The following KCNT2 variants were observed in gnomAD, a reference collection of about 807,000 sequenced individuals.
KCNT2 encodes potassium sodium-activated channel subfamily T member 2.
KCNT2 carries 67 observed loss-of-function variants against 153.8 expected under a neutral mutation model. The ratio of observed to expected loss-of-function variants is 0.44; its 90% CI spans 0.36 to 0.53. KCNT2 has a LOEUF of 0.53. KCNT2 is among the 20% of genes least tolerant of loss of function. The probability of loss-of-function intolerance (pLI) is 0.00; values close to 1 mark genes in which losing one functional copy is unlikely to be tolerated. For synonymous variants in KCNT2, 500 were observed against 458.8 expected (o/e 1.09, Z -1.15); for missense variants, 975 against 1,354.8 (o/e 0.72, Z 4.40).
chr1:196,434,470 C>T (rs1674441329), intron 8 of KCNT2, among the ~76,000 whole-genome samples: 1 of 151,806 alleles, frequency 6.6e-6, no homozygotes, highest in Non-Finnish European at 1.5e-5. Flanking sequence ...TTTGTTTGTC[C>T]TTTTAACATA....
intron 1 of KCNT2, among the ~76,000 whole-genome samples, chr1:196,502,725 C>CA (rs1477307828): frequency 6.6e-6 from 1 of 151,734 alleles, no homozygotes; most frequent in Non-Finnish European, 1.5e-5. Flanking sequence ...CTCTTTAACG[C>CA]AAAAAAGTAT....
chr1:196,580,700 A>G (rs1021277555), intron 1 of KCNT2, among the ~76,000 whole-genome samples: 10 of 152,154 alleles, frequency 6.6e-5, no homozygotes, highest in African/African-American at 2.4e-4. Flanking sequence ...ATGGGGAGTG[A>G]GATGTGTGTT....
At chr1:196,347,325 T>G (rs1018434656) in intron 14 of KCNT2, among the ~76,000 whole-genome samples, 3 of 152,192 alleles carry the variant, frequency 2.0e-5, no homozygotes, top group African/African-American at 7.2e-5. Context: ...CTGGGTAGAC[T>G]TAATTCAAGA....
chr1:196,380,228 T>C (rs926967941), intron 13 of KCNT2, among the ~76,000 whole-genome samples: 29 of 152,166 alleles, frequency 1.9e-4, no homozygotes, highest in African/African-American at 6.5e-4. Context: ...TTTAGAAGCA[T>C]ATGACTTTTA....
At chr1:196,586,338 C>T (rs1352192775) in intron 1 of KCNT2, among the ~76,000 whole-genome samples, 1 of 152,058 alleles carries the variant, frequency 6.6e-6, no homozygotes, top group African/African-American at 2.4e-5. Flanking sequence ...TTTCTTGCTG[C>T]TAAATTCCCC....
chr1:196,385,771 A>AT lies in KCNT2; in HGVS notation c.1295-12524_1295-12523insA, dbSNP rs1243314052. On this transcript the variant is annotated intron_variant, in intron 13 of 27. Transcript: ENST00000294725. ...GTATGGCACCATTTCTGCATTAAAA[A>AT]AATATATATATATATATATATTTTG... 9.5e-3 allele frequency among the ~76,000 whole-genome samples: 1,404 copies of AT among 147,440 alleles called. 19 individuals are homozygous for AT. Among genetic ancestry groups the AT allele is most frequent in the African/African-American group, 0.029 (1,188 of 40,366 alleles).
intron 22 of KCNT2, among the ~76,000 whole-genome samples, chr1:196,291,219 C>T (rs1024294373): frequency 3.3e-5 from 5 of 151,846 alleles, no homozygotes; most frequent in African/African-American, 1.2e-4. Context: ...CTTCAAAATA[C>T]GTATCATGCT....
At chr1:196,367,157 C>T (rs988419387) in intron 14 of KCNT2, among the ~76,000 whole-genome samples, 4 of 151,996 alleles carry the variant, frequency 2.6e-5, no homozygotes, top group Non-Finnish European at 5.9e-5. Context: ...CTTTATCATA[C>T]ATTTTATAAT....
chr1:196,301,559 G>A (rs536068209), intron 22 of KCNT2, among the ~76,000 whole-genome samples: 92 of 152,152 alleles, frequency 6.0e-4, no homozygotes, highest in Admixed American at 2.6e-3. Flanking sequence ...AGAATGCAAG[G>A]TCTACAAGGA....
rs747285562 is a variant in KCNT2 at position 196,228,256 on chromosome 1, C to A, written c.3376G>T (p.Gly1126Cys). ...SRRNSICNVT[G>C]QDSREETQL ...TGAGTTTCCTCCCGAGAATCTTGAC[C>A]AGTGACATTGCAGATGCTGTTTCTT... The change falls in exon 28 of 28, where the codon GGT becomes TGT. Residue 1126 changes from glycine to cysteine, a missense_variant. Transcript: ENST00000294725. 1 of 1,609,574 alleles carries A rather than the reference C, an allele frequency of 6.2e-7. No homozygotes were observed. The highest frequency in any genetic ancestry group is 2.2e-5 in the East Asian group (1 of 44,656).
At chr1:196,498,544 C>T (rs1680433798) in intron 1 of KCNT2, among the ~76,000 whole-genome samples, 4 of 152,194 alleles carry the variant, frequency 2.6e-5, no homozygotes, top group Admixed American at 1.3e-4. Context: ...TCTCAGCAGG[C>T]AGATTCAATG....
intron 1 of KCNT2, among the ~76,000 whole-genome samples, chr1:196,529,573 T>C (rs1307648609): frequency 1.3e-5 from 2 of 152,086 alleles, no homozygotes; most frequent in African/African-American, 4.8e-5. Context: ...AAATGGAGGC[T>C]TGTGTTTTTA....
At chr1:196,546,208 C>T (rs926388860) in intron 1 of KCNT2, among the ~76,000 whole-genome samples, 3 of 152,046 alleles carry the variant, frequency 2.0e-5, no homozygotes, top group Non-Finnish European at 2.9e-5. Flanking sequence ...AAATATTATT[C>T]TTCTATTCTG....
Position 196,429,525 on chromosome 1 carries a change from T to A in KCNT2, c.819+52A>T, listed in dbSNP as rs945557621. 6 of 1,209,622 alleles carry A rather than the reference T, an allele frequency of 5.0e-6. No individual in the cohort carries two copies. The Admixed American group carries it at 1.0e-4, about 21-fold the overall frequency. The allele number at this position is 1,209,622 out of a possible 1,614,324, so 74.9% of individuals were successfully genotyped here. ...CCATTTCTTATTAAATGTGGAGGAT[T>A]CAATTTCATGTCTCTGTACATTTCT... On this transcript the variant is annotated intron_variant, in intron 9 of 27. Transcript: ENST00000294725.
chr1:196,531,607 TATC>T (rs1654952376), intron 1 of KCNT2, among the ~76,000 whole-genome samples: 1 of 152,120 alleles, frequency 6.6e-6, no homozygotes, highest in African/African-American at 2.4e-5. Context: ...TAACCATTAT[TATC>T]ATACAAACAC....
At chr1:196,383,503 T>TA (rs1369929400) in intron 13 of KCNT2, among the ~76,000 whole-genome samples, 4 of 152,134 alleles carry the variant, frequency 2.6e-5, no homozygotes, top group African/African-American at 9.7e-5. Flanking sequence ...AACACTGCAT[T>TA]AGATGAGTTG....
intron 1 of KCNT2, among the ~76,000 whole-genome samples, chr1:196,518,261 G>A (rs920934474): frequency 1.3e-4 from 20 of 152,058 alleles, no homozygotes; most frequent in Non-Finnish European, 4.4e-5. Context: ...GACATCGAAA[G>A]AAGCACTAAA....
intron 5 of KCNT2, 94 bp from the exon 6 acceptor site, chr1:196,469,162 G>A: frequency 1.4e-6 from 1 of 703,934 alleles, no homozygotes; most frequent in East Asian, 2.7e-5. Flanking sequence ...CTAGCAATAA[G>A]GATGCTTCCA....
intron 1 of KCNT2, among the ~76,000 whole-genome samples, chr1:196,519,256 A>C (rs1396400632): frequency 6.6e-6 from 1 of 152,210 alleles, no homozygotes; most frequent in Non-Finnish European, 1.5e-5. Context: ...CGTGAGAACA[A>C]AGATACAACA....
Sources: gnomAD v4.1 joint callset for allele counts (sites outside exome capture counted in the v4.1 genomes callset) on GRCh38, gnomAD v4.1.1 for gene constraint, MANE v1.5 for transcripts, NCBI Gene and HGNC (gene_info 2026-07-23, HGNC 2026-07-21) for gene names.